Variants in TBC1D26 observed in about 807,000 individuals in gnomAD.
The protein encoded by TBC1D26 is TBC1 domain family, member 26.
In TBC1D26, 19 loss-of-function variants were observed where a neutral mutation model predicts 42.5. The observed-to-expected ratio is 0.45, with a 90% CI of 0.31 to 0.66. The LOEUF (loss-of-function observed/expected upper bound fraction) is 0.66, where lower values mean the gene tolerates loss of function less well. TBC1D26 is among the 30% of genes least tolerant of loss of function. TBC1D26 has a pLI of 0.06. For missense variants in TBC1D26, 228 were observed against 332.6 expected, an observed-to-expected ratio of 0.69 and a Z score of 2.45; for synonymous variants, 97 against 123.5, an observed-to-expected ratio of 0.79 and a Z score of 1.42.
chr17:15,737,384 G>A, intron 4 of TBC1D26, 100 bp from the exon 5 acceptor site: 1 of 1,413,824 alleles, frequency 7.1e-7, no homozygotes, highest in Non-Finnish European at 9.7e-7. Context: ...TGAGACTTAG[G>A]GTGGATGGGG....
At chr17:15,735,483 G>C in intron 3 of TBC1D26, 60 bp downstream of exon 3, 11 of 1,533,054 alleles carry the variant, frequency 7.2e-6, no homozygotes, top group Non-Finnish European at 9.8e-6. Context: ...CTGTGCCCTG[G>C]TCACAGGGTC....
intron 14 of TBC1D26, 125 bp from the exon 15 acceptor site, chr17:15,744,118 A>C (rs1967860774): frequency 6.6e-6 from 1 of 152,130 alleles, no homozygotes; most frequent in African/African-American, 2.4e-5. Context: ...TGCTGGGAGA[A>C]GATGTCATAA....
intron 9 of TBC1D26, chr17:15,740,755 C>A: frequency 1.9e-6 from 2 of 1,040,828 alleles, no homozygotes; most frequent in Non-Finnish European, 2.4e-6. Flanking sequence ...TGGTGGTCAG[C>A]GCCCCGCTGC....
At chr17:15,736,451 C>G (rs1329165505) in intron 4 of TBC1D26, 3 of 151,772 alleles carry the variant, frequency 2.0e-5, no homozygotes, top group African/African-American at 7.3e-5. Flanking sequence ...GGGCAGGGAA[C>G]AGTGGCTCAC....
chr17:15,743,026 G>A lies in TBC1D26; in HGVS notation c.907+18G>A, dbSNP rs117996984. ...ACACAGGAGTAAGTCCCGTGTGCCC[G>A]AGGGTGCTTGGGGGAACATGTGGGA... On this transcript the variant is annotated intron_variant, in intron 13 of 14. Transcript: ENST00000437605. 1,519 of 153,550 alleles carry A rather than the reference G, an allele frequency of 9.9e-3. 10 individuals carry two copies. Among genetic ancestry groups the A allele is most frequent in the Non-Finnish European group, 0.014 (952 of 68,736 alleles). 9.5% of individuals were successfully genotyped at this position (153,550 alleles called of 1,614,324 possible). A position where few individuals can be genotyped will look rare whatever the true frequency, so the allele number is the denominator to read the frequency against.
In TBC1D26 at chr17:15,738,051, T is replaced by C. The variant is rs1363380254; in HGVS notation, c.253T>C (p.Trp85Arg). The part of the protein sequence containing the change: ...TNKWQKMLAD[W>R]TKYRSTKKLS... ...CAAGTGGCAAAAGATGCTTGCAGAC[T>C]GGACAAAATATAGGAGCACCAAGAA... The change falls in exon 6 of 15, where the codon TGG becomes CGG. Residue 85 changes from tryptophan (W) to arginine (R), a missense_variant. By Grantham distance (101) the Trp-to-Arg change is moderately radical (BLOSUM62 -3). Around this residue, in one of 5 missense-constraint regions of TBC1D26, gnomAD observed 72 missense variants for 90.1 expected, o/e 0.80. Transcript: ENST00000437605. 6.2e-7 allele frequency: 1 copy of C among 1,614,182 alleles called. No homozygotes were observed. The highest frequency in any genetic ancestry group is 8.5e-7 in the Non-Finnish European group (1 of 1,180,030).
At position 15,738,662 on chromosome 17, in the gene TBC1D26, G is replaced by C. The variant is rs908010414; in HGVS notation, c.388-59G>C. 6 of 1,612,048 alleles carry C rather than the reference G, an allele frequency of 3.7e-6. No homozygotes were observed. In the African/African-American group the frequency reaches 8.0e-5, roughly 22 times the overall value. On this transcript the variant is annotated intron_variant, in intron 7 of 14. Coordinates refer to ENST00000437605, the MANE Select transcript of TBC1D26 (RefSeq NM_001388465.1). ...CTGACTGTGGGATGACTGCCGTTTGGGGCAGGGAGTCTTTTGTCTGTTCTG... is the reference window on the plus strand; with the variant it reads ...CTGACTGTGGGATGACTGCCGTTTGCGGCAGGGAGTCTTTTGTCTGTTCTG...
rs774149187 is a variant in TBC1D26, at chr17:15,737,500, C to T, written c.175C>T (p.His59Tyr). 17 of 1,294,980 alleles carry T rather than the reference C, an allele frequency of 1.3e-5. 1 individual carries two copies. In the Admixed American group the frequency reaches 2.1e-4, roughly 16 times the overall value. The allele number at this position is 1,294,980 out of a possible 1,614,324, so 80.2% of individuals were successfully genotyped here. A position where few individuals can be genotyped will look rare whatever the true frequency, so the allele number is the denominator to read the frequency against. The change falls in exon 5 of 15, where the codon CAC becomes TAC. Residue 59 changes from histidine to tyrosine, a missense_variant. His to Tyr is a moderately conservative substitution (Grantham distance 83). Transcript: ENST00000437605. ...LGIVHEMELP[H>Y]VSALEVKQRR... ...GCCTTACAGTGAGATGGAGCTGCCC[C>T]ACGTCAGTGCCCTGGAGGTGAAGGT...
At chr17:15,733,614 T>C (rs1386003135) in intron 1 of TBC1D26, 1 of 152,252 alleles carries the variant, frequency 6.6e-6, no homozygotes, top group Non-Finnish European at 1.5e-5. Context: ...CACATGTAAG[T>C]GGGACAGCCA....
rs545707259 is a variant in TBC1D26, at chr17:15,740,755, C to T, written c.547-367C>T. The T allele has an allele frequency of 8.1e-5, 84 of 1,040,826 alleles. No homozygotes were observed. In the South Asian group the frequency reaches 1.6e-3, roughly 20 times the overall value. The allele number at this position is 1,040,826 out of a possible 1,614,324, so 64.5% of individuals were successfully genotyped here. A position where few individuals can be genotyped will look rare whatever the true frequency, so the allele number is the denominator to read the frequency against. On this transcript the variant is annotated intron_variant, in intron 9 of 14. Transcript: ENST00000437605. ...GCAGGACCTTTTGTGTGGTGGTCAG[C>T]GCCCCGCTGCCTGCCCTCGTGGCAG...
intron 10 of TBC1D26, 85 bp downstream of exon 10, chr17:15,741,306 G>T: frequency 6.3e-7 from 1 of 1,598,136 alleles, no homozygotes; most frequent in Non-Finnish European, 8.5e-7. Flanking sequence ...CCTGGCCGGT[G>T]ACCCTGACTT....
In TBC1D26 at chr17:15,734,966, T is replaced by C; in HGVS notation, c.-106T>C. On this transcript the variant is annotated 5_prime_UTR_variant, in exon 2 of 15. Coordinates refer to ENST00000437605, the MANE Select transcript of TBC1D26 (RefSeq NM_001388465.1). ...TATTCCTGGTCCCTGAACGATCCTATAGAGACATCCAGTCCCTGACTCCAC... is the reference window on the plus strand; with the variant it reads ...TATTCCTGGTCCCTGAACGATCCTACAGAGACATCCAGTCCCTGACTCCAC... 3.3e-6 allele frequency: 1 copy of C among 302,922 alleles called. No homozygotes were observed. Among genetic ancestry groups the C allele is most frequent in the Non-Finnish European group, 6.2e-6 (1 of 161,930 alleles). The allele number at this position is 302,922 out of a possible 1,614,324, so 18.8% of individuals were successfully genotyped here.
rs61464947 is a variant in TBC1D26 at position 15,742,522 on chromosome 17, C to A, written c.807+43C>A. The A allele has an allele frequency of 3.0e-3, 609 of 204,572 alleles. 4 individuals are homozygous for A. Among genetic ancestry groups the A allele is most frequent in the African/African-American group, 0.014 (571 of 42,076 alleles). 12.7% of individuals were successfully genotyped at this position (204,572 alleles called of 1,614,324 possible). A position where few individuals can be genotyped will look rare whatever the true frequency, so the allele number is the denominator to read the frequency against. ...GACCCCAGCCCTGGGACTCTCCTGC[C>A]CTGCAGTGCCCAGCTTCCTCAGCTC... On this transcript the variant is annotated intron_variant, in intron 12 of 14. Transcript: ENST00000437605.
intron 9 of TBC1D26, chr17:15,740,858 C>T: frequency 3.2e-6 from 2 of 626,364 alleles, no homozygotes; most frequent in Non-Finnish European, 5.1e-6. Context: ...CATGAACAAT[C>T]CCTGACTGTG....
At chr17:15,733,041 G>C (rs957065004) in intron 1 of TBC1D26, among the ~76,000 whole-genome samples, 4 of 151,216 alleles carry the variant, frequency 2.6e-5, no homozygotes, top group African/African-American at 9.7e-5. Flanking sequence ...GGTCAGCGAG[G>C]ACATGGTCAG....
In TBC1D26 at chr17:15,737,518, G is replaced by A. The variant is rs756938712; in HGVS notation, c.193G>A (p.Val65Met). 4.5e-6 allele frequency: 7 copies of A among 1,554,264 alleles called. 1 individual carries two copies. Among genetic ancestry groups the A allele is most frequent in the Non-Finnish European group, 6.1e-6 (7 of 1,141,246 alleles). The change falls in exon 5 of 15, where the codon GTG (valine) becomes ATG (methionine). Residue 65 changes from valine to methionine, a missense_variant. By Grantham distance (21) the Val-to-Met change is conservative (BLOSUM62 1). Transcript: ENST00000437605. ...GCTGCCCCACGTCAGTGCCCTGGAG[G>A]TGAAGGTAAGAGCCTGTGCCTGCTG... ...MELPHVSALE[V>M]KQRRKESKRT...
rs543252090 is a variant in TBC1D26 at position 15,742,754 on chromosome 17, G to A, written c.808-155G>A. On this transcript the variant is annotated intron_variant, in intron 12 of 14. Coordinates refer to ENST00000437605, the MANE Select transcript of TBC1D26 (RefSeq NM_001388465.1). Reference sequence around the variant, plus strand: ...AGTTGAGATGAGTCCCTCACAAGGAGCTACAGGACCTTGTCTGACTCAGTC... The same window carrying A: ...AGTTGAGATGAGTCCCTCACAAGGAACTACAGGACCTTGTCTGACTCAGTC... Among the ~76,000 whole-genome samples the A allele has an allele frequency of 3.3e-5, 5 of 152,324 alleles. 1 individual carries two copies. The East Asian group carries it at 9.7e-4, about 30-fold the overall frequency.
chr17:15,738,167 T>G, intron 6 of TBC1D26, 90 bp downstream of exon 6: 2 of 1,609,952 alleles, frequency 1.2e-6, no homozygotes, highest in Non-Finnish European at 1.7e-6. Context: ...CGTCTGCCTC[T>G]CAGTGGGTGG....
chr17:15,739,492 C>T (rs1206187120), intron 8 of TBC1D26, among the ~76,000 whole-genome samples: 1 of 152,274 alleles, frequency 6.6e-6, no homozygotes, highest in Non-Finnish European at 1.5e-5. Flanking sequence ...CAGACAGAGG[C>T]GACTCAGTGA....
Sources: gnomAD v4.1 joint callset for allele counts (sites outside exome capture counted in the v4.1 genomes callset) on GRCh38, gnomAD v4.1.1 for gene constraint, gnomAD v4.1.1 regional missense constraint, MANE v1.5 for transcripts, NCBI Gene and HGNC (gene_info 2026-07-23, HGNC 2026-07-21) for gene names.